The following BTBD9 variants were observed in gnomAD, a reference collection of about 807,000 sequenced individuals.
BTBD9 encodes the protein BTB/POZ domain-containing protein 9.
BTBD9 carries 49 observed loss-of-function variants against 64.3 expected under a neutral mutation model. The observed-to-expected ratio is 0.76, with a 90% confidence interval of 0.61 to 0.97. The LOEUF (loss-of-function observed/expected upper bound fraction) is 0.97. BTBD9 is among the 50% of genes least tolerant of loss of function. BTBD9 has a pLI of 0.00. For synonymous variants in BTBD9, 260 were observed against 274.7 expected (o/e 0.95, Z 0.53); for missense variants, 598 against 762.1 (o/e 0.78, Z 2.53).
chr6:38,483,039 C>A (rs954912032), intron 6 of BTBD9, among the ~76,000 whole-genome samples: 5 of 152,058 alleles, frequency 3.3e-5, no homozygotes, highest in Non-Finnish European at 5.9e-5. Flanking sequence ...CACTCTCCTG[C>A]ATTATCAAAT....
Position 38,184,653 on chromosome 6 carries a change from T to A in BTBD9, c.1641+7866A>T, listed in dbSNP as rs925704580. Among the ~76,000 whole-genome samples the A allele has an allele frequency of 6.6e-6, 1 of 152,004 alleles. No homozygotes were observed. Among genetic ancestry groups the A allele is most frequent in the African/African-American group, 2.4e-5 (1 of 41,360 alleles). ...AGGTGCTTCTGGGCTGAGACGATGG[T>A]CCTCTGGAGGATGCTGCCGGGGAAA... On this transcript the variant is annotated intron_variant, in intron 10 of 10. Transcript: ENST00000481247. The surrounding 1 kb of genome is among the most constrained non-coding windows in gnomAD (Gnocchi z 4.4).
At chr6:38,251,830 T>G (rs1036513857) in intron 9 of BTBD9, among the ~76,000 whole-genome samples, 1 of 148,376 alleles carries the variant, frequency 6.7e-6, no homozygotes. Flanking sequence ...AGGCGGAGGC[T>G]GCAGTGAGCC....
intron 6 of BTBD9, among the ~76,000 whole-genome samples, chr6:38,399,542 CCA>C (rs1283148439): frequency 6.6e-6 from 1 of 152,168 alleles, no homozygotes; most frequent in East Asian, 1.9e-4. Flanking sequence ...GGTTCACCAA[CCA>C]CCCCAGATGC....
rs116390196 is a variant in BTBD9 at position 38,176,595 on chromosome 6, T to A, written c.1642-1413A>T. ...TCCTTTCTTTCCTTCCTTCCTTTTT[T>A]ATAAAATCTCCTTCTGTGGGTCCAT... On this transcript the variant is annotated intron_variant, in intron 10 of 10. Coordinates refer to ENST00000481247, the MANE Select transcript of BTBD9 (RefSeq NM_001099272.2). Among the ~76,000 whole-genome samples the A allele has an allele frequency of 4.3e-3, 651 of 152,310 alleles. 7 individuals carry two copies. Among genetic ancestry groups the A allele is most frequent in the African/African-American group, 0.015 (622 of 41,546 alleles).
At chr6:38,261,474 G>A (rs1764790707) in intron 8 of BTBD9, among the ~76,000 whole-genome samples, 1 of 152,096 alleles carries the variant, frequency 6.6e-6, no homozygotes, top group Non-Finnish European at 1.5e-5. Flanking sequence ...TATATATTAT[G>A]TTTAAAAATA....
At chr6:38,441,280 G>T (rs1445447998) in intron 6 of BTBD9, among the ~76,000 whole-genome samples, 1 of 152,178 alleles carries the variant, frequency 6.6e-6, no homozygotes, top group Non-Finnish European at 1.5e-5. Context: ...AGATCCTTTG[G>T]AGGGACCTAG....
chr6:38,226,785 A>G (rs190735991), intron 9 of BTBD9, among the ~76,000 whole-genome samples: 12 of 152,344 alleles, frequency 7.9e-5, no homozygotes, highest in African/African-American at 2.9e-4. Flanking sequence ...TCACAGAGTT[A>G]CCTCCACTGA....
chr6:38,425,116 T>TC (rs962550738), intron 6 of BTBD9, among the ~76,000 whole-genome samples: 1 of 31,506 alleles, frequency 3.2e-5, no homozygotes, highest in African/African-American at 8.1e-5. Flanking sequence ...GTGCCCGGCC[T>TC]TTTTTTTTTT....
intron 7 of BTBD9, among the ~76,000 whole-genome samples, chr6:38,328,968 ATG>A (rs70981541): frequency 0.1 from 13,216 of 127,094 alleles, 1,038 homozygotes; most frequent in African/African-American, 0.24. Flanking sequence ...GAAAGAAAAT[ATG>A]TGTGTGTGTG....
At chr6:38,394,177 A>T (rs1766560825) in intron 6 of BTBD9, among the ~76,000 whole-genome samples, 1 of 152,194 alleles carries the variant, frequency 6.6e-6, no homozygotes, top group African/African-American at 2.4e-5. Flanking sequence ...CATGAACTTA[A>T]GAGTCTAGTG....
chr6:38,611,944 G>A (rs1031475143), intron 1 of BTBD9, among the ~76,000 whole-genome samples: 7 of 152,060 alleles, frequency 4.6e-5, no homozygotes, highest in Non-Finnish European at 1.0e-4. Context: ...AGTCTCTAGC[G>A]ATTTAGGTTT....
intron 6 of BTBD9, among the ~76,000 whole-genome samples, chr6:38,490,521 C>T (rs185201729): frequency 3.3e-5 from 5 of 152,008 alleles, no homozygotes; most frequent in Non-Finnish European, 7.4e-5. Context: ...AGGTTTCCCA[C>T]GTTGGCCAGG....
intron 6 of BTBD9, among the ~76,000 whole-genome samples, chr6:38,467,047 G>T (rs1419528899): frequency 6.6e-6 from 1 of 152,008 alleles, no homozygotes; most frequent in Non-Finnish European, 1.5e-5. Flanking sequence ...ATAAATCAGG[G>T]AACATTTACA....
chr6:38,347,090 A>AC (rs1266899027), intron 6 of BTBD9, among the ~76,000 whole-genome samples: 1 of 152,118 alleles, frequency 6.6e-6, no homozygotes, highest in Non-Finnish European at 1.5e-5. Flanking sequence ...TCTTTTTAAA[A>AC]CACTATATGG....
chr6:38,184,243 G>C lies in BTBD9; in HGVS notation c.1641+8276C>G, dbSNP rs1761714096. 6.6e-6 allele frequency among the ~76,000 whole-genome samples: 1 copy of C among 152,192 alleles called. No homozygotes were observed. The highest frequency in any genetic ancestry group is 1.5e-5 in the Non-Finnish European group (1 of 68,036). On this transcript the variant is annotated intron_variant, in intron 10 of 10. Coordinates refer to ENST00000481247, the MANE Select transcript of BTBD9 (RefSeq NM_001099272.2). This position sits in a 1 kb window ranked among gnomAD's most constrained non-coding sequence, Gnocchi z 4.4. ...TTGCCTCCTAAACTGGTACAATGCA[G>C]ATTCACAGGTACCAGGCTGCCCGCT...
chr6:38,454,755 C>T (rs1343638934), intron 6 of BTBD9, among the ~76,000 whole-genome samples: 2 of 150,538 alleles, frequency 1.3e-5, no homozygotes, highest in African/African-American at 4.9e-5. Flanking sequence ...TATGAATGAT[C>T]ATGCCACTGT....
chr6:38,435,829 C>T (rs1423019964), intron 6 of BTBD9, among the ~76,000 whole-genome samples: 2 of 151,056 alleles, frequency 1.3e-5, no homozygotes, highest in East Asian at 2.0e-4. Context: ...CCACTGCGCC[C>T]GGCTAATTTT....
intron 5 of BTBD9, among the ~76,000 whole-genome samples, chr6:38,579,851 ATGTT>A (rs1375456441): frequency 6.6e-6 from 1 of 152,114 alleles, no homozygotes; most frequent in East Asian, 1.9e-4. Flanking sequence ...TTATAAAACT[ATGTT>A]TGTGCAGGTT....
chr6:38,627,411 T>C (rs1048202352), intron 1 of BTBD9, among the ~76,000 whole-genome samples: 2 of 152,184 alleles, frequency 1.3e-5, no homozygotes, highest in African/African-American at 2.4e-5. Context: ...CAGTACAATA[T>C]ATATGGGCTT....
Sources: allele counts gnomAD v4.1 joint callset (sites outside exome capture counted in the v4.1 genomes callset), GRCh38; gene constraint gnomAD v4.1.1; non-coding constraint Gnocchi (gnomAD v3.1); transcripts MANE v1.5; gene names NCBI Gene and HGNC (gene_info 2026-07-23, HGNC 2026-07-21).